ASAP1: variants seen among roughly 807,000 people sequenced by gnomAD.
The protein encoded by ASAP1 is ArfGAP with SH3 domain, ankyrin repeat and PH domain 1.
Under a neutral mutation model 145.2 loss-of-function variants are expected in ASAP1, and 43 were observed. That is an observed-to-expected ratio of 0.30 (90% CI 0.23 to 0.38). ASAP1 has a LOEUF of 0.38. Ranked by LOEUF, ASAP1 falls within the 10% of genes least tolerant of loss-of-function variation. ASAP1 has a pLI of 1.00. For missense variants in ASAP1, 1,018 were observed against 1,355.3 expected (o/e 0.75, Z 3.91); for synonymous variants, 546 against 515.5 (o/e 1.06, Z -0.80).
At chr8:130,164,288 T>C (rs2097675571) in intron 11 of ASAP1, among the ~76,000 whole-genome samples, 1 of 152,222 alleles carries the variant, frequency 6.6e-6, no homozygotes, top group Non-Finnish European at 1.5e-5. Flanking sequence ...CTTATCACCA[T>C]TTAAAATACT....
At chr8:130,306,149 T>C (rs1261451758) in intron 3 of ASAP1, among the ~76,000 whole-genome samples, 1 of 152,230 alleles carries the variant, frequency 6.6e-6, no homozygotes, top group East Asian at 1.9e-4. Context: ...AGAATGGTGA[T>C]AGTAATACTA....
At chr8:130,388,569 T>C (rs1273526367) in intron 2 of ASAP1, among the ~76,000 whole-genome samples, 1 of 152,212 alleles carries the variant, frequency 6.6e-6, no homozygotes, top group East Asian at 1.9e-4. Flanking sequence ...ATAATTTGCA[T>C]GCAGACATCT....
At chr8:130,180,986 T>C (rs1814318102) in intron 7 of ASAP1, 106 bp from the exon 8 acceptor site, 1 of 1,000,324 alleles carries the variant, frequency 1.0e-6, no homozygotes, top group African/African-American at 1.7e-5. Flanking sequence ...ACGATGTGTC[T>C]ATGTAGGTTC....
At chr8:130,105,776 AG>A (rs1424063048) in intron 24 of ASAP1, among the ~76,000 whole-genome samples, 1 of 152,222 alleles carries the variant, frequency 6.6e-6, no homozygotes, top group African/African-American at 2.4e-5. Context: ...GTAAGTCAGC[AG>A]GGCTGGCCAG....
At chr8:130,217,365 A>C (rs1816993503) in intron 4 of ASAP1, among the ~76,000 whole-genome samples, 1 of 151,916 alleles carries the variant, frequency 6.6e-6, no homozygotes, top group Non-Finnish European at 1.5e-5. Context: ...TTTCTTTATA[A>C]AGTCTTCCTT....
intron 1 of ASAP1, among the ~76,000 whole-genome samples, chr8:130,415,223 G>C (rs757668667): frequency 2.6e-5 from 4 of 151,360 alleles, no homozygotes; most frequent in Admixed American, 2.0e-4. Context: ...AAACTACAGG[G>C]TAATTCAGGC....
At position 130,086,509 on chromosome 8, in the gene ASAP1, T is replaced by C. The variant is rs150448279; in HGVS notation, c.2572+5464A>G. ...TTGTCTTACAAGCCATAAACCTGTA[T>C]TAAGAATTTATGGGCTGGGTGTGGT... On this transcript the variant is annotated intron_variant, in intron 25 of 29. Transcript: ENST00000518721. Among the ~76,000 whole-genome samples the C allele has an allele frequency of 9.0e-4, 137 of 152,346 alleles. 2 individuals carry two copies. In the East Asian group the frequency reaches 0.026, roughly 29 times the overall value.
At chr8:130,356,881 G>A (rs1826342982) in intron 3 of ASAP1, among the ~76,000 whole-genome samples, 1 of 152,182 alleles carries the variant, frequency 6.6e-6, no homozygotes, top group Non-Finnish European at 1.5e-5. Flanking sequence ...CGTCCTTGGG[G>A]TGGGGGGCTT....
intron 27 of ASAP1, among the ~76,000 whole-genome samples, chr8:130,068,956 T>C (rs1301121820): frequency 6.6e-6 from 1 of 152,230 alleles, no homozygotes; most frequent in East Asian, 1.9e-4. Flanking sequence ...TTAAATTTGC[T>C]GTCTCAGCTT....
intron 3 of ASAP1, among the ~76,000 whole-genome samples, chr8:130,287,718 T>C (rs1821702140): frequency 6.6e-6 from 1 of 152,348 alleles, no homozygotes; most frequent in African/African-American, 2.4e-5. Context: ...ACACAGATTA[T>C]GTCAAAGGCC....
intron 1 of ASAP1, among the ~76,000 whole-genome samples, chr8:130,425,995 G>A (rs1829902243): frequency 6.6e-6 from 1 of 152,316 alleles, no homozygotes; most frequent in Non-Finnish European, 1.5e-5. Flanking sequence ...TTTGCAGACA[G>A]CAAATACTGC....
chr8:130,174,567 T>C (rs983718233), intron 9 of ASAP1, among the ~76,000 whole-genome samples: 4 of 152,200 alleles, frequency 2.6e-5, no homozygotes, highest in Non-Finnish European at 4.4e-5. Context: ...GAACCAACCA[T>C]GCAACTAGGT....
intron 2 of ASAP1, chr8:130,386,772 G>A (rs1828037664): frequency 6.6e-6 from 1 of 152,188 alleles, no homozygotes; most frequent in South Asian, 2.1e-4. Context: ...GCAGCCAGTC[G>A]TGCTAATGAC....
At chr8:130,275,344 T>C (rs1231136785) in intron 3 of ASAP1, among the ~76,000 whole-genome samples, 1 of 152,204 alleles carries the variant, frequency 6.6e-6, no homozygotes, top group African/African-American at 2.4e-5. Context: ...AGCCACTAAT[T>C]CACTTATCAA....
chr8:130,249,182 C>G (rs778888224), intron 3 of ASAP1, among the ~76,000 whole-genome samples: 1 of 152,134 alleles, frequency 6.6e-6, no homozygotes. Flanking sequence ...ATCCATCTTC[C>G]GCACCATTGC....
chr8:130,163,900 A>C (rs938249653), intron 11 of ASAP1, among the ~76,000 whole-genome samples: 4 of 152,176 alleles, frequency 2.6e-5, no homozygotes, highest in Non-Finnish European at 2.9e-5. Context: ...AATCTTATTA[A>C]TGTATAAAAT....
At chr8:130,065,409 T>C (rs1592720732) in intron 27 of ASAP1, among the ~76,000 whole-genome samples, 1 of 152,294 alleles carries the variant, frequency 6.6e-6, no homozygotes, top group Middle Eastern at 3.4e-3. Context: ...TAATGGCAGC[T>C]TCATGACGTC....
intron 3 of ASAP1, among the ~76,000 whole-genome samples, chr8:130,248,488 G>T (rs543646244): frequency 6.6e-6 from 1 of 152,242 alleles, no homozygotes; most frequent in East Asian, 1.9e-4. Context: ...GATACACTGG[G>T]ACCCATCACA....
chr8:130,101,693 T>TA (rs2097529007), intron 24 of ASAP1, among the ~76,000 whole-genome samples: 2 of 149,146 alleles, frequency 1.3e-5, no homozygotes, highest in Admixed American at 1.4e-4. Flanking sequence ...GCCTCCCTAC[T>TA]AGCTGGGGAC....
Sources: gnomAD v4.1 joint callset for allele counts (sites outside exome capture counted in the v4.1 genomes callset) on GRCh38, gnomAD v4.1.1 for gene constraint, MANE v1.5 for transcripts, NCBI Gene and HGNC (gene_info 2026-07-23, HGNC 2026-07-21) for gene names.